Variants in TSPAN3 observed in about 807,000 individuals in gnomAD.
TSPAN3 encodes tetraspanin-3.
Under a neutral mutation model 31.1 loss-of-function variants are expected in TSPAN3, and 9 were observed. That is an observed-to-expected ratio of 0.29 (90% CI 0.17 to 0.50). TSPAN3 has a LOEUF of 0.50. Among genes scored for constraint, TSPAN3 ranks in the 20% least tolerant of loss-of-function variants. TSPAN3 has a pLI of 0.98. For missense variants in TSPAN3, 252 were observed against 313.5 expected (o/e 0.80, Z 1.48); for synonymous variants, 129 against 114.3 (o/e 1.13, Z -0.82).
intron 1 of TSPAN3, chr15:77,070,101 A>G (rs2076857727): frequency 6.6e-6 from 1 of 152,216 alleles, no homozygotes; most frequent in South Asian, 2.1e-4. Context: ...AGGTTACTAT[A>G]AAAGTCCCTG....
intron 6 of TSPAN3, 80 bp from the exon 7 acceptor site, chr15:77,047,007 A>G: frequency 8.4e-7 from 1 of 1,185,148 alleles, no homozygotes. Flanking sequence ...TTGGTAAAAG[A>G]GCTGTTTCAA....
At chr15:77,051,405 G>C (rs2076729980) in intron 6 of TSPAN3, among the ~76,000 whole-genome samples, 1 of 151,964 alleles carries the variant, frequency 6.6e-6, no homozygotes, top group Non-Finnish European at 1.5e-5. Flanking sequence ...GCGGGAACCT[G>C]TAATCCCAGC....
chr15:77,051,586 C>A (rs923867034), intron 6 of TSPAN3, among the ~76,000 whole-genome samples: 1 of 150,702 alleles, frequency 6.6e-6, no homozygotes, highest in African/African-American at 2.4e-5. Flanking sequence ...CGGTGGCTCA[C>A]GCCTGTAAAT....
chr15:77,065,465 C>T (rs1178272402), intron 1 of TSPAN3, among the ~76,000 whole-genome samples: 1 of 152,088 alleles, frequency 6.6e-6, no homozygotes, highest in Non-Finnish European at 1.5e-5. Flanking sequence ...CTCGCTCTGT[C>T]GCCCAGGCTG....
In TSPAN3 at chr15:77,071,012, G is replaced by A. The variant is rs1188805246; in HGVS notation, c.-58C>T. The A allele has an allele frequency of 1.6e-6, 2 of 1,251,314 alleles. No homozygotes were observed. The highest frequency in any genetic ancestry group is 1.9e-5 in the South Asian group (1 of 52,664). The allele number at this position is 1,251,314 out of a possible 1,614,324, so 77.5% of individuals were successfully genotyped here. A position where few individuals can be genotyped will look rare whatever the true frequency, so the allele number is the denominator to read the frequency against. On this transcript the variant is annotated 5_prime_UTR_variant, in exon 1 of 7. Coordinates refer to ENST00000267970, the MANE Select transcript of TSPAN3 (RefSeq NM_005724.6). ...GAGCGGGGCTGCGCTCACCGAGAGA[G>A]CGGCAATGGCGGCGGCGCCTCCTCG...
chr15:77,054,319 G>C, intron 3 of TSPAN3, 40 bp from the exon 4 acceptor site: 2 of 1,392,958 alleles, frequency 1.4e-6, no homozygotes, highest in Non-Finnish European at 1.0e-6. Context: ...AAAAATACTA[G>C]TAAAAGTAAC....
rs756674407 is a variant in TSPAN3 at position 77,056,169 on chromosome 15, C to T, written c.150G>A (p.Thr50=). ...CTATGATCACTACAGCAGGGATGAG[C>T]GTGTACACATCTTCAAAGAAGTGGT... ...DYDHFFEDVY[T]LIPAVVIIAV... Residue 50 remains threonine, a synonymous_variant, in exon 2 of 7, where the codon ACG becomes ACA. Coordinates refer to ENST00000267970, the MANE Select transcript of TSPAN3 (RefSeq NM_005724.6). 5.0e-6 allele frequency: 8 copies of T among 1,613,784 alleles called. No homozygotes were observed. The highest frequency in any genetic ancestry group is 1.7e-5 in the Admixed American group (1 of 59,930).
At chr15:77,064,394 C>G (rs2076818924) in intron 1 of TSPAN3, 1 of 152,026 alleles carries the variant, frequency 6.6e-6, no homozygotes, top group Non-Finnish European at 1.5e-5. Context: ...GTACACCCGT[C>G]TGGTCTAAGT....
At chr15:77,059,377 T>G (rs889008475) in intron 1 of TSPAN3, among the ~76,000 whole-genome samples, 1 of 152,234 alleles carries the variant, frequency 6.6e-6, no homozygotes. Flanking sequence ...CCATTGCGCC[T>G]GGCCAGACAT....
chr15:77,063,249 A>C (rs952768539), intron 1 of TSPAN3: 5 of 152,158 alleles, frequency 3.3e-5, no homozygotes, highest in African/African-American at 7.2e-5. Flanking sequence ...CAATTCTTTC[A>C]ATGTACATTA....
chr15:77,065,219 A>G (rs2076825040), intron 1 of TSPAN3, among the ~76,000 whole-genome samples: 1 of 152,150 alleles, frequency 6.6e-6, no homozygotes, highest in Admixed American at 6.5e-5. Context: ...TCTCTGCATA[A>G]CACATCACTC....
At chr15:77,061,262 T>C (rs1358383198) in intron 1 of TSPAN3, among the ~76,000 whole-genome samples, 3 of 152,212 alleles carry the variant, frequency 2.0e-5, no homozygotes, top group Non-Finnish European at 2.9e-5. Context: ...GCGCAGTAGC[T>C]CACACCAGTA....
At chr15:77,068,897 T>C (rs2076849719) in intron 1 of TSPAN3, among the ~76,000 whole-genome samples, 2 of 152,146 alleles carry the variant, frequency 1.3e-5, no homozygotes. Context: ...TGATGGCCAT[T>C]TGGGTTGGTT....
At chr15:77,053,515 T>TATA (rs1392908384) in intron 4 of TSPAN3, among the ~76,000 whole-genome samples, 1 of 125,754 alleles carries the variant, frequency 8.0e-6, no homozygotes, top group Non-Finnish European at 1.6e-5. Context: ...GTACATTGCC[T>TATA]ATAAGCGGTA....
chr15:77,058,283 A>G (rs1035294634), intron 1 of TSPAN3, among the ~76,000 whole-genome samples: 9 of 152,148 alleles, frequency 5.9e-5, no homozygotes, highest in African/African-American at 2.2e-4. Context: ...GAACCAAGCT[A>G]TTCCTCCTTT....
chr15:77,047,268 G>T (rs748768283), intron 6 of TSPAN3, among the ~76,000 whole-genome samples: 1 of 152,202 alleles, frequency 6.6e-6, no homozygotes, highest in Admixed American at 6.5e-5. Flanking sequence ...GGCCTCATGT[G>T]ACTACTGAGC....
chr15:77,052,809 T>G lies in TSPAN3; in HGVS notation c.553A>C (p.Ser185Arg). The G allele has an allele frequency of 6.2e-7, 1 of 1,614,196 alleles. No homozygotes were observed. The highest frequency in any genetic ancestry group is 8.5e-7 in the Non-Finnish European group (1 of 1,180,034). ...TAGAGGTCGGAAGGGTGGGCCAGGC[T>G]GCCATTACAATTGCTGGCAGTCTCT... is the stretch of plus-strand genomic sequence containing the variant. ...CRETASNCNG[S>R]LAHPSDLYAE... Residue 185 changes from serine (S) to arginine (R), a missense_variant, in exon 5 of 7, where the codon AGC (serine) becomes CGC (arginine). By Grantham distance (110) the Ser-to-Arg change is moderately radical (BLOSUM62 -1). Transcript: ENST00000267970.
At chr15:77,052,661 A>G in intron 5 of TSPAN3, 116 bp downstream of exon 5, 1 of 1,220,750 alleles carries the variant, frequency 8.2e-7, no homozygotes, top group Non-Finnish European at 1.2e-6. Flanking sequence ...TTACAGTAAA[A>G]CAATATATGA....
intron 1 of TSPAN3, among the ~76,000 whole-genome samples, chr15:77,061,477 G>A (rs1568544319): frequency 6.6e-6 from 1 of 152,074 alleles, no homozygotes; most frequent in East Asian, 1.9e-4. Context: ...GCAGTGAGCC[G>A]AGATTGCGCC....
Sources: allele counts gnomAD v4.1 joint callset (sites outside exome capture counted in the v4.1 genomes callset), GRCh38; gene constraint gnomAD v4.1.1; transcripts MANE v1.5; gene names NCBI Gene and HGNC (gene_info 2026-07-23, HGNC 2026-07-21).